The following CPSF1 variants were observed in gnomAD, a reference collection of about 807,000 sequenced individuals.
CPSF1 encodes the protein cleavage and polyadenylation specific factor 1.
Under a neutral mutation model 175.8 loss-of-function variants are expected in CPSF1, and 106 were observed. The observed-to-expected ratio is 0.60, with a 90% CI of 0.52 to 0.71. CPSF1 has a LOEUF of 0.71. Ranked by LOEUF, CPSF1 falls within the 30% of genes least tolerant of loss-of-function variation. CPSF1 has a pLI of 0.00. For missense variants in CPSF1, 1,734 were observed against 2,022.9 expected (o/e 0.86, Z 2.74); for synonymous variants, 1,024 against 858.3 (o/e 1.19, Z -3.37).
At chr8:144,400,134 G>GCCCCCCCCCCCCCCCCACCC (rs782373475) in intron 9 of CPSF1, 32 bp downstream of exon 9, 1 of 831,946 alleles carries the variant, frequency 1.2e-6, no homozygotes, top group African/African-American at 2.5e-5. Flanking sequence ...GCCGTCCCCG[G>GCCCCCCCCCCCCCCCCACCC]GCCCCCCCCG....
intron 7 of CPSF1, 65 bp downstream of exon 7, chr8:144,400,606 G>GC: frequency 6.3e-7 from 1 of 1,595,830 alleles, no homozygotes; most frequent in Non-Finnish European, 8.5e-7. Context: ...AACCCCATGG[G>GC]CCCCACCCCA....
At chr8:144,407,048 G>A (rs938642529) in intron 2 of CPSF1, among the ~76,000 whole-genome samples, 1 of 151,966 alleles carries the variant, frequency 6.6e-6, no homozygotes, top group South Asian at 2.1e-4. Flanking sequence ...CTGAGTAGCT[G>A]GGATTACAGA....
chr8:144,403,606 G>A lies in CPSF1; in HGVS notation c.145-1933C>T, dbSNP rs2116895330. On this transcript the variant is annotated intron_variant, in intron 2 of 37. Coordinates refer to ENST00000616140, the MANE Select transcript of CPSF1 (RefSeq NM_013291.3). ...CTCACTCTGTCACCCAGGCTGGAGG[G>A]CAGTAGTGTGATCTCAGCTCCCTGC... Among the ~76,000 whole-genome samples, 68 of 151,900 alleles carry A rather than the reference G, an allele frequency of 4.5e-4. No homozygotes were observed. The South Asian group carries it at 0.014, about 31-fold the overall frequency.
chr8:144,399,696 C>T lies in CPSF1; in HGVS notation c.1134G>A (p.Glu378=), dbSNP rs2116865456. ...GAGAACCCAGGAACAGGTACCCGGG[C>T]TCCATGGTGACCATCTGAGGGAGGG... is the stretch of plus-strand genomic sequence containing the variant. ...SVLTTSMVTM[E]PGYLFLGSRL... is the part of the protein sequence containing the mutation. Residue 378 remains glutamate, a synonymous_variant, in exon 12 of 38, where the codon GAG becomes GAA. Coordinates refer to ENST00000616140, the MANE Select transcript of CPSF1 (RefSeq NM_013291.3). This position sits in a 1 kb window ranked among gnomAD's most constrained non-coding sequence, Gnocchi z 6.4. 1 of 1,609,794 alleles carries T rather than the reference C, an allele frequency of 6.2e-7. No individual in the cohort carries two copies. Among genetic ancestry groups the T allele is most frequent in the South Asian group, 1.1e-5 (1 of 90,338 alleles).
chr8:144,401,996 T>C (rs1216386872), intron 2 of CPSF1, among the ~76,000 whole-genome samples: 1 of 152,132 alleles, frequency 6.6e-6, no homozygotes, highest in Non-Finnish European at 1.5e-5. Flanking sequence ...CCCCCAAACC[T>C]GCCTGGTTGC....
In CPSF1 at chr8:144,400,035, T is replaced by G. The variant is rs1169662833; in HGVS notation, c.988A>C (p.Ile330Leu). The G allele has an allele frequency of 6.2e-7, 1 of 1,609,246 alleles. No homozygotes were observed. Among genetic ancestry groups the G allele is most frequent in the Non-Finnish European group, 8.5e-7 (1 of 1,179,644 alleles). ...GAGATGACCATCTTGTCGTAGGAGATGAAGGTGGCCTGGGCGCAGTCCAGG... is the reference window on the plus strand; with the variant it reads ...GAGATGACCATCTTGTCGTAGGAGAGGAAGGTGGCCTGGGCGCAGTCCAGG... The part of the protein sequence containing the change: ...ITLDCAQATF[I>L]SYDKMVISLK... Residue 330 changes from isoleucine (I) to leucine (L), a missense_variant, in exon 10 of 38, where the codon ATC becomes CTC. Transcript: ENST00000616140.
chr8:144,408,032 G>C (rs2116910076), intron 2 of CPSF1, among the ~76,000 whole-genome samples: 7 of 152,186 alleles, frequency 4.6e-5, no homozygotes, highest in African/African-American at 1.7e-4. Flanking sequence ...AGGAGCCCTG[G>C]CCAGCAAATA....
chr8:144,402,748 G>C (rs1821289683), intron 2 of CPSF1, among the ~76,000 whole-genome samples: 1 of 152,116 alleles, frequency 6.6e-6, no homozygotes. Flanking sequence ...AAAGGTTTCA[G>C]AAGTAATGAC....
chr8:144,394,520 C>A lies in CPSF1; in HGVS notation c.3603G>T (p.Thr1201=). The change falls in exon 32 of 38, where the codon ACG becomes ACT. Residue 1201 remains threonine, a synonymous_variant. Transcript: ENST00000616140. Reference sequence around the variant, plus strand: ...GCTGCGTGTCGATGAAGGCCATGCCCGTCAGCTCGCTGGCCCGCAGGCTCC... The same window carrying A: ...GCTGCGTGTCGATGAAGGCCATGCCAGTCAGCTCGCTGGCCCGCAGGCTCC... ...FLWSLRASEL[T]GMAFIDTQLY... 1 of 1,609,982 alleles carries A rather than the reference C, an allele frequency of 6.2e-7. No homozygotes were observed. Among genetic ancestry groups the A allele is most frequent in the East Asian group, 2.2e-5 (1 of 44,728 alleles).
chr8:144,398,702 G>T, intron 17 of CPSF1, 64 bp from the exon 18 acceptor site: 1 of 1,600,896 alleles, frequency 6.2e-7, no homozygotes, highest in Non-Finnish European at 8.5e-7. Flanking sequence ...ACGCAGGTGC[G>T]ACCTGGGCAC....
At position 144,404,335 on chromosome 8, in the gene CPSF1, G is replaced by C. The variant is rs1460425623; in HGVS notation, c.145-2662C>G. Among the ~76,000 whole-genome samples, 7 of 152,022 alleles carry C rather than the reference G, an allele frequency of 4.6e-5. No homozygotes were observed. The South Asian group carries it at 8.3e-4, about 18-fold the overall frequency. ...ATACAGAGATCAACTGCACTTCTGT[G>C]TACATGCAAGAAACAGGGGTAACCA... On this transcript the variant is annotated intron_variant, in intron 2 of 37. Coordinates refer to ENST00000616140, the MANE Select transcript of CPSF1 (RefSeq NM_013291.3).
At chr8:144,400,649 G>C (rs1479914620) in intron 7 of CPSF1, 22 bp downstream of exon 7, 4 of 1,600,170 alleles carry the variant, frequency 2.5e-6, no homozygotes, top group Middle Eastern at 1.7e-4. Flanking sequence ...ACAGTGCAGA[G>C]GGGCCTCCTT....
In CPSF1 at chr8:144,394,001, C is replaced by T; in HGVS notation, c.3897G>A (p.Arg1299=). 6.2e-7 allele frequency: 1 copy of T among 1,613,082 alleles called. No homozygotes were observed. The highest frequency in any genetic ancestry group is 1.1e-5 in the South Asian group (1 of 91,040). ...CGTGGGCACCCACGTGGAAGTCTGC[C>T]CGACGCAGCAGGCGCATGCCCCCGA... ...ESFGGMRLLR[R]ADFHVGAHVN... Residue 1299 remains arginine, a synonymous_variant, in exon 35 of 38, where the codon CGG becomes CGA. Coordinates refer to ENST00000616140, the MANE Select transcript of CPSF1 (RefSeq NM_013291.3).
rs1385860338 is a variant in CPSF1, at chr8:144,394,359, C to G, written c.3744+20G>C. The G allele has an allele frequency of 1.3e-6, 2 of 1,590,788 alleles. No individual in the cohort carries two copies. The highest frequency in any genetic ancestry group is 2.7e-5 in the African/African-American group (2 of 74,604). On this transcript the variant is annotated intron_variant, in intron 32 of 37. Transcript: ENST00000616140. ...GGGCGGGTACCCACCCAGACACGAG[C>G]ACCGCCGCCACAGGTGTACCCGCGA...
At position 144,396,886 on chromosome 8, in the gene CPSF1, TG is replaced by T. The variant is rs782028378; in HGVS notation, c.2635del (p.His879ThrfsTer77). 1.2e-6 allele frequency: 2 copies of T among 1,613,710 alleles called. No individual in the cohort carries two copies. Among genetic ancestry groups the T allele is most frequent in the South Asian group, 2.2e-5 (2 of 91,056 alleles). On this transcript the variant is annotated frameshift_variant, in exon 24 of 38. Coordinates refer to ENST00000616140, the MANE Select transcript of CPSF1 (RefSeq NM_013291.3). LOFTEE classifies it high-confidence loss of function. ...ATTGCCCTGGCCGAGCTGAGAGTCGTGGGGGAAGGCCTCGTAGATAAGCAGC... is the reference window on the plus strand; with the variant it reads ...ATTGCCCTGGCCGAGCTGAGAGTCGTGGGGAAGGCCTCGTAGATAAGCAGC... ...QELLIYEAFP[H>X]DSQLGQGNLK...
rs144019140 is a variant in CPSF1 at position 144,394,511 on chromosome 8, G to A, written c.3612C>T (p.Ala1204=). The change falls in exon 32 of 38, where the codon GCC becomes GCT. Residue 1204 remains alanine (A), a synonymous_variant. Coordinates refer to ENST00000616140, the MANE Select transcript of CPSF1 (RefSeq NM_013291.3). The part of the protein sequence containing the change: ...SLRASELTGM[A]FIDTQLYIHQ... Reference sequence around the variant, plus strand: ...GTATGTAGAGCTGCGTGTCGATGAAGGCCATGCCCGTCAGCTCGCTGGCCC... The same window carrying A: ...GTATGTAGAGCTGCGTGTCGATGAAAGCCATGCCCGTCAGCTCGCTGGCCC... 3.7e-6 allele frequency: 6 copies of A among 1,610,158 alleles called. No homozygotes were observed. The African/African-American group carries it at 8.0e-5, about 21-fold the overall frequency.
In CPSF1 at chr8:144,397,968, G is replaced by A. The variant is rs782469446; in HGVS notation, c.2059C>T (p.Pro687Ser). Residue 687 changes from proline (P) to serine (S), a missense_variant, in exon 20 of 38, where the codon CCC (proline) becomes TCC (serine). By Grantham distance (74) the Pro-to-Ser change is moderately conservative (BLOSUM62 -1). Around this residue, in one of 10 missense-constraint regions of CPSF1, gnomAD observed 280 missense variants for 349.2 expected, o/e 0.80. Coordinates refer to ENST00000616140, the MANE Select transcript of CPSF1 (RefSeq NM_013291.3). ...GRHHRLALHK[P>S]PLHHQSKVIT... ...AGGGGGCCTACATGGTGCAGCGGGG[G>A]CTTGTGCAGCGCCAGGCGGTGGTGG... is the stretch of plus-strand genomic sequence containing the variant. The A allele has an allele frequency of 1.2e-6, 2 of 1,609,298 alleles. No individual in the cohort carries two copies. Among genetic ancestry groups the A allele is most frequent in the Admixed American group, 1.7e-5 (1 of 59,844 alleles).
rs1396406787 is a variant in CPSF1, at chr8:144,409,068, C to T, written c.91G>A (p.Val31Ile). Residue 31 changes from valine to isoleucine, a missense_variant, in exon 2 of 38, where the codon GTA becomes ATA. This residue lies in a region of CPSF1 where 126 missense variants were observed against 117.9 expected (regional missense o/e 1.07). Coordinates refer to ENST00000616140, the MANE Select transcript of CPSF1 (RefSeq NM_013291.3). The stretch of plus-strand genomic sequence containing the variant: ...TAGAGCTGCGAGGTCCCGGCCACTA[C>T]CAGGTTGCGCTCGCTGTTGTTGAAG... ...NFFNNSERNL[V>I]VAGTSQLYVY... The T allele has an allele frequency of 2.3e-5, 37 of 1,613,732 alleles. No individual in the cohort carries two copies. The highest frequency in any genetic ancestry group is 1.6e-4 in the Middle Eastern group (1 of 6,082).
In CPSF1 at chr8:144,401,004, A is replaced by T. The variant is rs140632734; in HGVS notation, c.459T>A (p.Leu153=). The change falls in exon 6 of 38, where the codon CTT becomes CTA. Residue 153 remains leucine, a synonymous_variant. Transcript: ENST00000616140. The part of the protein sequence containing the change: ...VDPDGRCAAM[L]VYGTRLVVLP... ...GGACCACCAGCCGCGTGCCGTAGAC[A>T]AGCATGGCTGCACAGCGCCCGTCGG... is the stretch of plus-strand genomic sequence containing the variant. 8 of 1,610,508 alleles carry T rather than the reference A, an allele frequency of 5.0e-6. No homozygotes were observed. The African/African-American group carries it at 9.3e-5, about 19-fold the overall frequency.
Sources: allele counts gnomAD v4.1 joint callset (sites outside exome capture counted in the v4.1 genomes callset), GRCh38; gene constraint gnomAD v4.1.1; regional missense constraint gnomAD v4.1.1; non-coding constraint Gnocchi (gnomAD v3.1); transcripts MANE v1.5; gene names NCBI Gene and HGNC (gene_info 2026-07-23, HGNC 2026-07-21).